Variants in TMEM163 observed in about 807,000 individuals in gnomAD.
The protein encoded by TMEM163 is transmembrane protein 163.
TMEM163 carries 17 observed loss-of-function variants against 29.3 expected under a neutral mutation model. The ratio of observed to expected loss-of-function variants is 0.58; its 90% CI spans 0.40 to 0.87. The LOEUF is 0.87. Ranked by LOEUF, TMEM163 falls within the 40% of genes least tolerant of loss-of-function variation. The pLI is 0.00. For missense variants in TMEM163, 303 were observed against 381.5 expected (o/e 0.79, Z 1.71); for synonymous variants, 157 against 160.6 (o/e 0.98, Z 0.17).
chr2:134,541,024 G>A (rs1296824744), intron 4 of TMEM163, among the ~76,000 whole-genome samples: 1 of 152,102 alleles, frequency 6.6e-6, no homozygotes, highest in African/African-American at 2.4e-5. Flanking sequence ...ATTAAATGCA[G>A]GTAATTAAAT....
At chr2:134,717,320 G>T (rs1225414537) in intron 1 of TMEM163, among the ~76,000 whole-genome samples, 7 of 152,204 alleles carry the variant, frequency 4.6e-5, no homozygotes, top group Admixed American at 3.9e-4. Flanking sequence ...GAGAGGTTTT[G>T]TTCCATGCTC....
chr2:134,613,080 G>A (rs1478322038), intron 2 of TMEM163, among the ~76,000 whole-genome samples: 1 of 152,022 alleles, frequency 6.6e-6, no homozygotes, highest in Non-Finnish European at 1.5e-5. Flanking sequence ...TTATTTAAAA[G>A]AACCAGATAA....
chr2:134,589,262 C>T (rs942856042), intron 2 of TMEM163, among the ~76,000 whole-genome samples: 6 of 152,192 alleles, frequency 3.9e-5, no homozygotes, highest in Non-Finnish European at 7.3e-5. Context: ...TGAACCAGAG[C>T]AACTCCATCT....
chr2:134,549,117 A>C (rs955338693), intron 4 of TMEM163, among the ~76,000 whole-genome samples: 7 of 152,040 alleles, frequency 4.6e-5, no homozygotes, highest in African/African-American at 1.2e-4. Flanking sequence ...AAAAAAAAAA[A>C]ACTAATGCCC....
chr2:134,648,407 G>A (rs1683389196), intron 2 of TMEM163, among the ~76,000 whole-genome samples: 1 of 151,638 alleles, frequency 6.6e-6, no homozygotes, highest in Non-Finnish European at 1.5e-5. Context: ...CAGGCCATGG[G>A]TGGTTTTGGA....
chr2:134,492,613 C>A (rs148377733), intron 5 of TMEM163, among the ~76,000 whole-genome samples: 336 of 152,238 alleles, frequency 2.2e-3, no homozygotes, highest in Non-Finnish European at 4.3e-3. Flanking sequence ...TAAATACATA[C>A]TCCTTTTTGC....
chr2:134,626,866 AAAT>A (rs1682864264), intron 2 of TMEM163, among the ~76,000 whole-genome samples: 1 of 152,218 alleles, frequency 6.6e-6, no homozygotes, highest in African/African-American at 2.4e-5. Flanking sequence ...TATACTGTGT[AAAT>A]ATTTAAATAT....
In TMEM163 at chr2:134,455,994, T is replaced by A. The variant is rs1686377818; in HGVS notation, c.*722A>T. On this transcript the variant is annotated 3_prime_UTR_variant, in exon 8 of 8. Transcript: ENST00000281924. ...TAGATATATGCATATACGGATAGAT[T>A]ATATTTATTTATTACAAATAAACTG... is the stretch of plus-strand genomic sequence containing the variant. 6.6e-6 allele frequency: 1 copy of A among 152,644 alleles called. No individual in the cohort carries two copies. The highest frequency in any genetic ancestry group is 2.4e-5 in the African/African-American group (1 of 41,436). The allele number at this position is 152,644 out of a possible 1,614,324, so 9.5% of individuals were successfully genotyped here.
At chr2:134,695,807 T>C (rs963746302) in intron 2 of TMEM163, among the ~76,000 whole-genome samples, 56 of 152,118 alleles carry the variant, frequency 3.7e-4, no homozygotes, top group African/African-American at 1.3e-3. Flanking sequence ...ATGCCTGTAA[T>C]TGGGAAGCCA....
intron 4 of TMEM163, among the ~76,000 whole-genome samples, chr2:134,540,239 C>T (rs1226023267): frequency 6.6e-6 from 1 of 152,242 alleles, no homozygotes; most frequent in Non-Finnish European, 1.5e-5. Context: ...GGCAAAGCCA[C>T]AGGGCTGCGG....
At chr2:134,645,069 T>G (rs1683304209) in intron 2 of TMEM163, among the ~76,000 whole-genome samples, 1 of 152,206 alleles carries the variant, frequency 6.6e-6, no homozygotes, top group African/African-American at 2.4e-5. Flanking sequence ...GAGATACTAC[T>G]GCATACCTGT....
chr2:134,712,314 A>G (rs1275752718), intron 2 of TMEM163, among the ~76,000 whole-genome samples: 4 of 152,246 alleles, frequency 2.6e-5, no homozygotes, highest in African/African-American at 7.2e-5. Flanking sequence ...CAACACACAC[A>G]CATAGCTTGT....
intron 4 of TMEM163, among the ~76,000 whole-genome samples, chr2:134,519,800 G>C (rs1429362965): frequency 6.7e-6 from 1 of 149,996 alleles, no homozygotes; most frequent in African/African-American, 2.5e-5. Context: ...TGAGGCAGGA[G>C]AATCGCCTGA....
chr2:134,466,933 A>AC (rs1251417779), intron 5 of TMEM163: 2 of 152,116 alleles, frequency 1.3e-5, no homozygotes, highest in Non-Finnish European at 2.9e-5. Flanking sequence ...CCCATGTGTC[A>AC]CCCCCAAGAG....
chr2:134,469,480 A>G (rs1574155403), intron 5 of TMEM163: 1 of 152,218 alleles, frequency 6.6e-6, no homozygotes, highest in East Asian at 1.9e-4. Context: ...GTGGCTGCAT[A>G]TACTGCGTGC....
intron 2 of TMEM163, among the ~76,000 whole-genome samples, chr2:134,635,775 C>T (rs560221814): frequency 3.5e-4 from 54 of 152,234 alleles, no homozygotes; most frequent in African/African-American, 1.3e-3. Flanking sequence ...AACAGGGGAT[C>T]TCAGCCAGCC....
chr2:134,707,587 G>C (rs1009876222), intron 2 of TMEM163, among the ~76,000 whole-genome samples: 1 of 152,192 alleles, frequency 6.6e-6, no homozygotes, highest in Non-Finnish European at 1.5e-5. Context: ...AGTATTTCAG[G>C]GGTAGGGGAA....
At chr2:134,660,817 A>G (rs968450283) in intron 2 of TMEM163, among the ~76,000 whole-genome samples, 1 of 152,242 alleles carries the variant, frequency 6.6e-6, no homozygotes, top group African/African-American at 2.4e-5. Flanking sequence ...TGCTCAGTTA[A>G]AAGAGGGGTT....
Position 134,461,598 on chromosome 2 carries a change from C to A in TMEM163, c.668-3425G>T, listed in dbSNP as rs561040149. Among the ~76,000 whole-genome samples the A allele has an allele frequency of 3.9e-5, 6 of 152,334 alleles. No homozygotes were observed. In the East Asian group the frequency reaches 9.7e-4, roughly 25 times the overall value. ...AACAAACCCATGATGACAACACATCCAAAGCCACAAACCAGATCAGACCAG... is the reference window on the plus strand; with the variant it reads ...AACAAACCCATGATGACAACACATCAAAAGCCACAAACCAGATCAGACCAG... On this transcript the variant is annotated intron_variant, in intron 6 of 7. Transcript: ENST00000281924.
Sources: allele counts gnomAD v4.1 joint callset (sites outside exome capture counted in the v4.1 genomes callset), GRCh38; gene constraint gnomAD v4.1.1; transcripts MANE v1.5; gene names NCBI Gene and HGNC (gene_info 2026-07-23, HGNC 2026-07-21).